CDKAL1: variants seen among roughly 807,000 people sequenced by gnomAD.
The protein encoded by CDKAL1 is CDKAL1 threonylcarbamoyladenosine tRNA methylthiotransferase, also known as threonylcarbamoyladenosine tRNA methylthiotransferase.
Under a neutral mutation model 68.2 loss-of-function variants are expected in CDKAL1, and 32 were observed. The ratio of observed to expected loss-of-function variants is 0.47; its 90% CI spans 0.35 to 0.63. The LOEUF (loss-of-function observed/expected upper bound fraction) is 0.63, where lower values mean the gene tolerates loss of function less well. Among genes scored for constraint, CDKAL1 ranks in the 30% least tolerant of loss-of-function variants. The pLI is 0.00. For synonymous variants in CDKAL1, 234 were observed against 244.3 expected, an observed-to-expected ratio of 0.96 and a Z score of 0.39; for missense variants, 606 against 696.7, an observed-to-expected ratio of 0.87 and a Z score of 1.47.
At chr6:20,568,621 G>A (rs1030269374) in intron 4 of CDKAL1, among the ~76,000 whole-genome samples, 2 of 151,496 alleles carry the variant, frequency 1.3e-5, no homozygotes, top group African/African-American at 4.8e-5. Flanking sequence ...TGTAGTCCCA[G>A]CTGCTTGGAA....
chr6:20,810,392 TCACACACACACACACA>T (rs59104508), intron 8 of CDKAL1, among the ~76,000 whole-genome samples: 1,237 of 115,616 alleles, frequency 0.011, 10 homozygotes, highest in East Asian at 0.017. Context: ...TCTCTCTCTG[TCACACACACACACACA>T]CACACACACA....
chr6:20,952,465 G>A (rs949993702), intron 9 of CDKAL1, among the ~76,000 whole-genome samples: 20 of 152,188 alleles, frequency 1.3e-4, no homozygotes, highest in African/African-American at 4.3e-4. Context: ...AAAGGGTCCA[G>A]GACGTTAGTC....
chr6:20,624,182 G>C (rs1338205540), intron 4 of CDKAL1, among the ~76,000 whole-genome samples: 3 of 151,956 alleles, frequency 2.0e-5, no homozygotes, highest in Admixed American at 6.6e-5. Flanking sequence ...GTGGTTTGGA[G>C]TGACTACAAG....
At chr6:20,827,908 TTTTG>T (rs1348513682) in intron 8 of CDKAL1, among the ~76,000 whole-genome samples, 2 of 152,138 alleles carry the variant, frequency 1.3e-5, no homozygotes, top group African/African-American at 4.8e-5. Context: ...CAAAAGAAGT[TTTTG>T]TTTGTGGTTG....
intron 6 of CDKAL1, among the ~76,000 whole-genome samples, chr6:20,745,463 T>C (rs1294449402): frequency 6.6e-6 from 1 of 152,150 alleles, no homozygotes; most frequent in African/African-American, 2.4e-5. Context: ...TTTTTTAACT[T>C]CCGTTGTCTA....
chr6:20,889,808 G>A (rs1013169262), intron 9 of CDKAL1, among the ~76,000 whole-genome samples: 15 of 152,126 alleles, frequency 9.9e-5, no homozygotes, highest in African/African-American at 3.4e-4. Flanking sequence ...CTCCAGCTTT[G>A]TTCTTTTTTG....
intron 6 of CDKAL1, among the ~76,000 whole-genome samples, 187 bp downstream of exon 6, chr6:20,739,802 C>T (rs1359605429): frequency 2.0e-5 from 3 of 152,168 alleles, no homozygotes; most frequent in Non-Finnish European, 2.9e-5. Context: ...AGCACAAAAA[C>T]ATGTGTTAGT....
intron 4 of CDKAL1, among the ~76,000 whole-genome samples, chr6:20,637,036 C>CAAAAAAAA (rs58986368): frequency 8.8e-6 from 1 of 113,262 alleles, no homozygotes. Context: ...GACTCCGTCT[C>CAAAAAAAA]AAAAAAAAAA....
At chr6:20,811,329 T>C (rs948371316) in intron 8 of CDKAL1, among the ~76,000 whole-genome samples, 8 of 152,218 alleles carry the variant, frequency 5.3e-5, no homozygotes. Context: ...TTAATTCTGT[T>C]GTTACCAAGG....
At chr6:20,541,484 A>G (rs1307229952) in intron 2 of CDKAL1, among the ~76,000 whole-genome samples, 1 of 152,190 alleles carries the variant, frequency 6.6e-6, no homozygotes, top group African/African-American at 2.4e-5. Flanking sequence ...CACTTCAGTG[A>G]CAAGAGAAGC....
At chr6:20,867,127 C>T (rs772128391) in intron 9 of CDKAL1, among the ~76,000 whole-genome samples, 1 of 152,124 alleles carries the variant, frequency 6.6e-6, no homozygotes, top group Non-Finnish European at 1.5e-5. Flanking sequence ...CTCTTAGGCT[C>T]AAATGGAGGA....
chr6:20,574,116 C>T (rs999850857), intron 4 of CDKAL1, among the ~76,000 whole-genome samples: 5 of 152,086 alleles, frequency 3.3e-5, no homozygotes, highest in African/African-American at 9.7e-5. Flanking sequence ...TTTTTGTCCT[C>T]ATGGATTGTT....
At chr6:20,558,662 T>A in intron 4 of CDKAL1, 1 of 450,340 alleles carries the variant, frequency 2.2e-6, no homozygotes, top group Non-Finnish European at 4.5e-6. Context: ...ACACCACATT[T>A]CCATGTTGTT....
chr6:21,039,528 A>T (rs6918555), intron 11 of CDKAL1, among the ~76,000 whole-genome samples: 3,175 of 152,302 alleles, frequency 0.021, 109 homozygotes, highest in African/African-American at 0.07. Flanking sequence ...AGCTTTATTG[A>T]TAGTGAGAAC....
chr6:20,673,056 C>A (rs975257348), intron 5 of CDKAL1, among the ~76,000 whole-genome samples: 8 of 152,212 alleles, frequency 5.3e-5, no homozygotes, highest in African/African-American at 1.9e-4. Context: ...GGATTACAGG[C>A]CTGAGCCACA....
At chr6:20,738,457 A>C (rs1773294448) in intron 5 of CDKAL1, among the ~76,000 whole-genome samples, 1 of 149,242 alleles carries the variant, frequency 6.7e-6, no homozygotes, top group Admixed American at 6.7e-5. Context: ...ATATATGTAT[A>C]CTTTTGAGCC....
intron 5 of CDKAL1, among the ~76,000 whole-genome samples, chr6:20,665,225 C>T (rs116337432): frequency 5.5e-4 from 84 of 152,122 alleles, no homozygotes; most frequent in African/African-American, 1.9e-3. Flanking sequence ...TGTTTTGCAA[C>T]GTACCCTTTA....
In CDKAL1 at chr6:20,799,266, G is replaced by A. The variant is rs1334811957; in HGVS notation, c.638+18001G>A. Among the ~76,000 whole-genome samples the A allele has an allele frequency of 2.0e-5, 3 of 151,938 alleles. No individual in the cohort carries two copies. In the East Asian group the frequency reaches 5.8e-4, roughly 30 times the overall value. On this transcript the variant is annotated intron_variant, in intron 8 of 15. Transcript: ENST00000274695. ...GGGGTTTCTCCATGTTGGTCAGGTTGGTCTCGAACTCCCAACCTCAGGTGT... is the reference window on the plus strand; with the variant it reads ...GGGGTTTCTCCATGTTGGTCAGGTTAGTCTCGAACTCCCAACCTCAGGTGT...
intron 11 of CDKAL1, among the ~76,000 whole-genome samples, chr6:21,017,754 A>G (rs1768424148): frequency 6.6e-6 from 1 of 152,298 alleles, no homozygotes; most frequent in Middle Eastern, 3.4e-3. Flanking sequence ...AAGCTATTAT[A>G]TATTTCTTAA....
Sources: gnomAD v4.1 joint callset for allele counts (sites outside exome capture counted in the v4.1 genomes callset) on GRCh38, gnomAD v4.1.1 for gene constraint, MANE v1.5 for transcripts, NCBI Gene and HGNC (gene_info 2026-07-23, HGNC 2026-07-21) for gene names.